COPS3: variants seen among roughly 807,000 people sequenced by gnomAD.
The protein encoded by COPS3 is COP9 signalosome subunit 3, also known as COP9 signalosome complex subunit 3.
COPS3 carries 10 observed loss-of-function variants against 58.2 expected under a neutral mutation model. The observed-to-expected ratio is 0.17, with a 90% CI of 0.11 to 0.29. The LOEUF (loss-of-function observed/expected upper bound fraction) is 0.29. COPS3 is among the 10% of genes least tolerant of loss of function. The pLI is 1.00. For missense variants in COPS3, 333 were observed against 510.1 expected, an observed-to-expected ratio of 0.65 and a Z score of 3.34; for synonymous variants, 187 against 181.7, an observed-to-expected ratio of 1.03 and a Z score of -0.24.
At chr17:17,255,126 C>A (rs1383768682) in intron 8 of COPS3, 181 bp from the exon 9 acceptor site, 1 of 471,626 alleles carries the variant, frequency 2.1e-6, no homozygotes, top group Non-Finnish European at 3.8e-6. Context: ...ATGGTGAAAC[C>A]CTGTCTCTAC....
At chr17:17,271,840 C>CTATA (rs10653495) in intron 2 of COPS3, among the ~76,000 whole-genome samples, 17,272 of 138,820 alleles carry the variant, frequency 0.12, 1,074 homozygotes, top group Middle Eastern at 0.19. Context: ...CTATATATAT[C>CTATA]TATATATATA....
At chr17:17,254,149 C>A (rs554908808) in intron 9 of COPS3, among the ~76,000 whole-genome samples, 47 of 151,208 alleles carry the variant, frequency 3.1e-4, no homozygotes, top group African/African-American at 1.0e-3. Flanking sequence ...CAAAAAAATA[C>A]AAAAATTAGT....
At chr17:17,258,306 A>T (rs555257850) in intron 8 of COPS3, among the ~76,000 whole-genome samples, 16 of 152,114 alleles carry the variant, frequency 1.1e-4, no homozygotes, top group Non-Finnish European at 2.2e-4. Flanking sequence ...GATCAAAAAA[A>T]AATTTTTTTT....
intron 8 of COPS3, among the ~76,000 whole-genome samples, chr17:17,255,402 CT>C (rs1184837673): frequency 6.7e-6 from 1 of 149,816 alleles, no homozygotes; most frequent in Non-Finnish European, 1.5e-5. Context: ...CAGAGAATTG[CT>C]TGAACCCAGG....
chr17:17,247,740 A>G (rs774373049), intron 10 of COPS3, 180 bp from the exon 11 acceptor site: 47 of 532,658 alleles, frequency 8.8e-5, no homozygotes, highest in Non-Finnish European at 1.5e-4. Flanking sequence ...CATCTATCAT[A>G]TAATACCAAA....
In COPS3 at chr17:17,264,798, T is replaced by C. The variant is rs2048185099; in HGVS notation, c.621+4A>G. ...CAACCTCAGCTAATTTTTAGAGAGA[T>C]TACCTGTTCATAAAAGTAGAGAGCT... On this transcript the variant is annotated splice_donor_region_variant and intron_variant, in intron 6 of 11. Transcript: ENST00000268717. The C allele has an allele frequency of 1.9e-6, 3 of 1,599,648 alleles. No individual in the cohort carries two copies. The highest frequency in any genetic ancestry group is 2.6e-6 in the Non-Finnish European group (3 of 1,175,628).
intron 2 of COPS3, among the ~76,000 whole-genome samples, 172 bp downstream of exon 2, chr17:17,275,863 A>G: frequency 6.6e-6 from 1 of 152,242 alleles, no homozygotes; most frequent in South Asian, 2.1e-4. Flanking sequence ...AATGGAGTGA[A>G]CCCGGGAGGC....
intron 5 of COPS3, among the ~76,000 whole-genome samples, chr17:17,266,735 C>T (rs186371082): frequency 6.6e-6 from 1 of 151,662 alleles, no homozygotes; most frequent in Non-Finnish European, 1.5e-5. Flanking sequence ...GGAGGCGGAG[C>T]TTGCAGTGAG....
At chr17:17,280,515 G>T in intron 1 of COPS3, 1 of 1,194,538 alleles carries the variant, frequency 8.4e-7, no homozygotes, top group Non-Finnish European at 1.1e-6. Context: ...AGCCGAGATC[G>T]CGCCACTGCA....
chr17:17,260,514 TCAG>T, intron 7 of COPS3, 40 bp from the exon 8 acceptor site: 6 of 1,603,382 alleles, frequency 3.7e-6, no homozygotes, highest in Non-Finnish European at 5.1e-6. Flanking sequence ...GATTAAAACT[TCAG>T]AAGAGGCCAG....
chr17:17,266,170 T>A (rs2048216812), intron 5 of COPS3, among the ~76,000 whole-genome samples: 1 of 152,160 alleles, frequency 6.6e-6, no homozygotes, highest in Non-Finnish European at 1.5e-5. Flanking sequence ...AATGTAAATA[T>A]CCCATGCAGA....
At position 17,254,961 on chromosome 17, in the gene COPS3, A is replaced by G. The variant is rs761288947; in HGVS notation, c.937-16T>C. On this transcript the variant is annotated splice_polypyrimidine_tract_variant and intron_variant, in intron 8 of 11. Coordinates refer to ENST00000268717, the MANE Select transcript of COPS3 (RefSeq NM_003653.4). Reference sequence around the variant, plus strand: ...TTAAAAAGGTCTGAAAGTCAGAAGCAGAATTAGTCACAGGTAGGAACAACG... The same window carrying G: ...TTAAAAAGGTCTGAAAGTCAGAAGCGGAATTAGTCACAGGTAGGAACAACG... The G allele has an allele frequency of 6.4e-6, 10 of 1,573,172 alleles. No individual in the cohort carries two copies. In the Admixed American group the frequency reaches 1.7e-4, roughly 27 times the overall value.
chr17:17,270,897 A>G lies in COPS3; in HGVS notation c.297T>C (p.Thr99=), dbSNP rs905987507. 1.2e-6 allele frequency: 2 copies of G among 1,612,906 alleles called. No homozygotes were observed. Among genetic ancestry groups the G allele is most frequent in the Non-Finnish European group, 1.7e-6 (2 of 1,179,136 alleles). Reference sequence around the variant, plus strand: ...AGAATAAAATGTTATTTAGCTTACAAGTGTCTGTTGCATATCGAATGTGCT... The same window carrying G: ...AGAATAAAATGTTATTTAGCTTACAGGTGTCTGTTGCATATCGAATGTGCT... ...NGEHIRYATD[T]FAGLCHQLTN... is the part of the protein sequence containing the mutation. Residue 99 remains threonine, a splice_region_variant and synonymous_variant, in exon 3 of 12, where the codon ACT becomes ACC. Coordinates refer to ENST00000268717, the MANE Select transcript of COPS3 (RefSeq NM_003653.4).
At chr17:17,264,744 A>G in intron 6 of COPS3, 58 bp downstream of exon 6, 1 of 1,477,700 alleles carries the variant, frequency 6.8e-7, no homozygotes, top group Non-Finnish European at 9.2e-7. Context: ...AACCTATGGG[A>G]GCACTTTTTT....
intron 1 of COPS3, among the ~76,000 whole-genome samples, chr17:17,278,335 T>A (rs2048504311): frequency 6.6e-6 from 1 of 152,212 alleles, no homozygotes; most frequent in African/African-American, 2.4e-5. Context: ...AACTGCATAA[T>A]CTTTTCCTTA....
intron 2 of COPS3, among the ~76,000 whole-genome samples, chr17:17,271,712 G>A (rs2048346161): frequency 6.7e-6 from 1 of 150,310 alleles, no homozygotes; most frequent in Non-Finnish European, 1.5e-5. Flanking sequence ...TGTAACCCCA[G>A]CTACTCGGGA....
At chr17:17,264,713 G>T in intron 6 of COPS3, 89 bp downstream of exon 6, 3 of 1,102,226 alleles carry the variant, frequency 2.7e-6, no homozygotes. Flanking sequence ...GAGGCCCTGG[G>T]ATCAGACCAC....
intron 11 of COPS3, 134 bp downstream of exon 11, chr17:17,247,346 T>C (rs2047745592): frequency 1.0e-6 from 1 of 956,716 alleles, no homozygotes; most frequent in Non-Finnish European, 1.7e-6. Context: ...TCTCAACTAG[T>C]ATTTCTCCAT....
rs199692441 is a variant in COPS3 at position 17,248,983 on chromosome 17, G to A, written c.1080C>T (p.Phe360=). 19 of 1,611,006 alleles carry A rather than the reference G, an allele frequency of 1.2e-5. No homozygotes were observed. The highest frequency in any genetic ancestry group is 1.5e-5 in the Non-Finnish European group (18 of 1,179,118). The change falls in exon 10 of 12, where the codon TTC becomes TTT. Residue 360 remains phenylalanine, a synonymous_variant. Transcript: ENST00000268717. ...TATTATATTTTTCAGGGTTATCATG[G>A]AAACTGACCATACCGTCCTTCTGGT... is the stretch of plus-strand genomic sequence containing the variant. ...SINQKDGMVS[F]HDNPEKYNNP...
Sources: allele counts gnomAD v4.1 joint callset (sites outside exome capture counted in the v4.1 genomes callset), GRCh38; gene constraint gnomAD v4.1.1; transcripts MANE v1.5; gene names NCBI Gene and HGNC (gene_info 2026-07-23, HGNC 2026-07-21).